RAB22A: variants seen among roughly 807,000 people sequenced by gnomAD.
RAB22A encodes RAB22A, member RAS oncogene family, also known as ras-related protein Rab-22A.
Under a neutral mutation model 30.2 loss-of-function variants are expected in RAB22A, and 13 were observed. The ratio of observed to expected loss-of-function variants is 0.43; its 90% CI spans 0.28 to 0.68. RAB22A has a LOEUF of 0.68. Ranked by LOEUF, RAB22A falls within the 30% of genes least tolerant of loss-of-function variation. The pLI, the probability that RAB22A is intolerant of heterozygous loss-of-function variation, is 0.18. For missense variants in RAB22A, 177 were observed against 246.8 expected (o/e 0.72, Z 1.89); for synonymous variants, 89 against 87.2 (o/e 1.02, Z -0.11).
chr20:58,352,003 CAA>C (rs1371303873), intron 3 of RAB22A, among the ~76,000 whole-genome samples: 3 of 151,924 alleles, frequency 2.0e-5, no homozygotes, highest in African/African-American at 7.3e-5. Context: ...AAATAATAAA[CAA>C]AAGAGACCCA....
At chr20:58,358,093 G>A (rs1422741328) in intron 6 of RAB22A, among the ~76,000 whole-genome samples, 1 of 152,204 alleles carries the variant, frequency 6.6e-6, no homozygotes, top group African/African-American at 2.4e-5. Context: ...CTGATTGATT[G>A]TAGTGTCTGG....
At chr20:58,354,963 T>C (rs1568682218) in intron 6 of RAB22A, among the ~76,000 whole-genome samples, 1 of 151,924 alleles carries the variant, frequency 6.6e-6, no homozygotes, top group Non-Finnish European at 1.5e-5. Flanking sequence ...ACAAAGAAAA[T>C]AATTTAGGAT....
chr20:58,353,412 C>T lies in RAB22A; in HGVS notation c.271-20C>T. 2 of 1,609,660 alleles carry T rather than the reference C, an allele frequency of 1.2e-6. No individual in the cohort carries two copies. The highest frequency in any genetic ancestry group is 1.1e-5 in the South Asian group (1 of 90,860). On this transcript the variant is annotated intron_variant, in intron 4 of 6. Coordinates refer to ENST00000244040, the MANE Select transcript of RAB22A (RefSeq NM_020673.3). Reference sequence around the variant, plus strand: ...TTGGTTGCTTAGATCTCCAGTTGCTCTCTTTTTTGTGTGTTACAGGAGACA... The same window carrying T: ...TTGGTTGCTTAGATCTCCAGTTGCTTTCTTTTTTGTGTGTTACAGGAGACA...
chr20:58,315,260 C>T (rs939363921), intron 2 of RAB22A, among the ~76,000 whole-genome samples: 4 of 152,194 alleles, frequency 2.6e-5, no homozygotes, highest in Admixed American at 6.5e-5. Context: ...TGTGTCCTGA[C>T]TTCCCATGTT....
chr20:58,339,488 T>A (rs1433961009), intron 2 of RAB22A, among the ~76,000 whole-genome samples: 2 of 152,224 alleles, frequency 1.3e-5, no homozygotes, highest in African/African-American at 4.8e-5. Flanking sequence ...AGAGTTCTAG[T>A]GACAACGGGA....
At chr20:58,312,748 C>G (rs1986256622) in intron 2 of RAB22A, among the ~76,000 whole-genome samples, 1 of 151,978 alleles carries the variant, frequency 6.6e-6, no homozygotes, top group African/African-American at 2.4e-5. Flanking sequence ...CCTTGGCCTC[C>G]CAAAGTGCTG....
chr20:58,330,202 C>CCTGCGGATA (rs1410329698), intron 2 of RAB22A, among the ~76,000 whole-genome samples: 1 of 152,122 alleles, frequency 6.6e-6, no homozygotes, highest in Non-Finnish European at 1.5e-5. Context: ...AAACCAGTCC[C>CCTGCGGATA]CTGCGGATAC....
Position 58,361,442 on chromosome 20 carries a change from A to G in RAB22A, c.*1739A>G, listed in dbSNP as rs1987222730. The G allele has an allele frequency of 6.6e-6, 1 of 152,208 alleles. No individual in the cohort carries two copies. The highest frequency in any genetic ancestry group is 2.1e-4 in the South Asian group (1 of 4,834). 9.4% of individuals were successfully genotyped at this position (152,208 alleles called of 1,614,324 possible). A position where few individuals can be genotyped will look rare whatever the true frequency, so the allele number is the denominator to read the frequency against. On this transcript the variant is annotated 3_prime_UTR_variant, in exon 7 of 7. Transcript: ENST00000244040. The stretch of plus-strand genomic sequence containing the variant: ...TTATCTTCTGAAATCATATAAAAAG[A>G]ATGTCATTAGTAAAAATTCTAACTT...
chr20:58,315,140 T>C lies in RAB22A; in HGVS notation c.116+4018T>C, dbSNP rs141080526. On this transcript the variant is annotated intron_variant, in intron 2 of 6. Coordinates refer to ENST00000244040, the MANE Select transcript of RAB22A (RefSeq NM_020673.3). ...TGCAGAACACATCCCTGCTTCTCAG[T>C]TGAAGCTCCTCTGTCTTCTCTAGTT... Among the ~76,000 whole-genome samples the C allele has an allele frequency of 8.6e-3, 1,304 of 152,292 alleles. 10 individuals are homozygous for C. Among genetic ancestry groups the C allele is most frequent in the Non-Finnish European group, 0.012 (793 of 68,022 alleles).
intron 2 of RAB22A, among the ~76,000 whole-genome samples, chr20:58,320,098 A>G (rs966580398): frequency 6.6e-6 from 1 of 152,200 alleles, no homozygotes; most frequent in Non-Finnish European, 1.5e-5. Flanking sequence ...TTCTGGTGTC[A>G]GGACCTCATC....
At chr20:58,332,973 A>G (rs1388442226) in intron 2 of RAB22A, among the ~76,000 whole-genome samples, 2 of 152,100 alleles carry the variant, frequency 1.3e-5, no homozygotes, top group Admixed American at 6.5e-5. Flanking sequence ...CATCTTTAAC[A>G]TAGTTTAAAA....
rs1246108421 is a variant in RAB22A at position 58,365,578 on chromosome 20, C to A, written c.*5875C>A. The stretch of plus-strand genomic sequence containing the variant: ...TGAAACTGTCTTAACGTGGCTCATA[C>A]ACGTGATGTCAGAGGGACTGGTCAG... On this transcript the variant is annotated 3_prime_UTR_variant, in exon 7 of 7. Coordinates refer to ENST00000244040, the MANE Select transcript of RAB22A (RefSeq NM_020673.3). The A allele has an allele frequency of 6.6e-6, 1 of 152,146 alleles. No homozygotes were observed. Among genetic ancestry groups the A allele is most frequent in the Non-Finnish European group, 1.5e-5 (1 of 68,044 alleles). 9.4% of individuals were successfully genotyped at this position (152,146 alleles called of 1,614,324 possible).
At chr20:58,351,579 C>T (rs1288203301) in intron 3 of RAB22A, among the ~76,000 whole-genome samples, 2 of 152,218 alleles carry the variant, frequency 1.3e-5, no homozygotes, top group South Asian at 2.1e-4. Flanking sequence ...TTTGGGAGGC[C>T]GAGGCAGGTG....
At chr20:58,324,865 CAAA>C (rs35375006) in intron 2 of RAB22A, among the ~76,000 whole-genome samples, 3 of 29,766 alleles carry the variant, frequency 1.0e-4, no homozygotes, top group South Asian at 2.7e-3. Flanking sequence ...GACTCCGTCT[CAAA>C]AAAAAAAAAA....
rs944123577 is a variant in RAB22A at position 58,363,811 on chromosome 20, G to A, written c.*4108G>A. 6 of 152,044 alleles carry A rather than the reference G, an allele frequency of 3.9e-5. No individual in the cohort carries two copies. The highest frequency in any genetic ancestry group is 1.4e-4 in the African/African-American group (6 of 41,380). The allele number at this position is 152,044 out of a possible 1,614,324, so 9.4% of individuals were successfully genotyped here. A position where few individuals can be genotyped will look rare whatever the true frequency, so the allele number is the denominator to read the frequency against. On this transcript the variant is annotated 3_prime_UTR_variant, in exon 7 of 7. Coordinates refer to ENST00000244040, the MANE Select transcript of RAB22A (RefSeq NM_020673.3). ...ATTCAAGGTAATGTTTAGGATATTT[G>A]TTTTAACTCCTGCTGTGCTGTGATT...
chr20:58,313,447 C>G (rs1335736476), intron 2 of RAB22A, among the ~76,000 whole-genome samples: 1 of 152,098 alleles, frequency 6.6e-6, no homozygotes, highest in Non-Finnish European at 1.5e-5. Flanking sequence ...CTTCCTCAGC[C>G]CTATCATCTT....
At chr20:58,310,821 C>G (rs529084127) in intron 1 of RAB22A, among the ~76,000 whole-genome samples, 1 of 152,178 alleles carries the variant, frequency 6.6e-6, no homozygotes, top group Non-Finnish European at 1.5e-5. Context: ...CTCAAAAGGT[C>G]CTAATCTGTC....
chr20:58,356,889 C>A (rs766341425), intron 6 of RAB22A, among the ~76,000 whole-genome samples: 1 of 152,070 alleles, frequency 6.6e-6, no homozygotes, highest in Non-Finnish European at 1.5e-5. Context: ...GTGAAGAATA[C>A]CCACAATATA....
chr20:58,340,128 T>C (rs1238473765), intron 2 of RAB22A, among the ~76,000 whole-genome samples: 1 of 152,116 alleles, frequency 6.6e-6, no homozygotes, highest in Non-Finnish European at 1.5e-5. Flanking sequence ...AGCTGTGACG[T>C]GGGGTTGGGA....
Sources: allele counts gnomAD v4.1 joint callset (sites outside exome capture counted in the v4.1 genomes callset), GRCh38; gene constraint gnomAD v4.1.1; transcripts MANE v1.5; gene names NCBI Gene and HGNC (gene_info 2026-07-23, HGNC 2026-07-21).